PACRG: variants seen among roughly 807,000 people sequenced by gnomAD.
PACRG encodes parkin coregulated gene protein.
Under a neutral mutation model 29.7 loss-of-function variants are expected in PACRG, and 29 were observed. The ratio of observed to expected loss-of-function variants is 0.98; its 90% CI spans 0.73 to 1.33. PACRG has a LOEUF of 1.33. PACRG is among the 40% of genes most tolerant of loss of function. PACRG has a pLI of 0.00. For missense variants in PACRG, 279 were observed against 316.2 expected, an observed-to-expected ratio of 0.88 and a Z score of 0.89; for synonymous variants, 116 against 118.7, an observed-to-expected ratio of 0.98 and a Z score of 0.15.
intron 2 of PACRG, among the ~76,000 whole-genome samples, chr6:162,923,282 G>C (rs1797195853): frequency 6.6e-6 from 1 of 152,102 alleles, no homozygotes. Flanking sequence ...TTCGTCCCTT[G>C]TCAGATGAAT....
At chr6:162,728,498 C>A in intron 1 of PACRG, 107 bp downstream of exon 1, 1 of 1,395,462 alleles carries the variant, frequency 7.2e-7, no homozygotes, top group Non-Finnish European at 9.7e-7. Context: ...CCTGGGTGGT[C>A]TTTGCCAAAA....
intron 1 of PACRG, among the ~76,000 whole-genome samples, chr6:162,764,264 G>A (rs987525363): frequency 1.3e-5 from 2 of 152,120 alleles, no homozygotes; most frequent in East Asian, 1.9e-4. Context: ...GACAGAGCGA[G>A]ACTCCATCAC....
intron 4 of PACRG, among the ~76,000 whole-genome samples, chr6:163,302,248 GTTTTTTTTTGTT>G (rs1391795691): frequency 9.6e-6 from 1 of 104,590 alleles, no homozygotes; most frequent in Non-Finnish European, 1.9e-5. Context: ...TTTTTTGTTT[GTTTTTTTTTGTT>G]TTTTTTTTTG....
intron 4 of PACRG, among the ~76,000 whole-genome samples, chr6:163,223,684 G>C (rs1395044745): frequency 6.6e-6 from 1 of 152,218 alleles, no homozygotes; most frequent in Non-Finnish European, 1.5e-5. Flanking sequence ...AAAGTGGTCA[G>C]AAAAGGCTTG....
At chr6:162,971,859 T>G (rs867952447) in intron 2 of PACRG, among the ~76,000 whole-genome samples, 46 of 152,224 alleles carry the variant, frequency 3.0e-4, no homozygotes, top group African/African-American at 1.1e-3. Flanking sequence ...TCCTGCATCC[T>G]TGAGGCCCCT....
chr6:162,810,293 C>T (rs1444176716), intron 1 of PACRG, among the ~76,000 whole-genome samples: 3 of 152,156 alleles, frequency 2.0e-5, no homozygotes, highest in Admixed American at 1.3e-4. Context: ...TAAGGTAGCA[C>T]CCTTCCCCCA....
At chr6:162,864,720 A>C (rs1792148529) in intron 2 of PACRG, among the ~76,000 whole-genome samples, 2 of 152,206 alleles carry the variant, frequency 1.3e-5, no homozygotes, top group Admixed American at 1.3e-4. Flanking sequence ...TTTAACTCCA[A>C]GAATACTTTA....
chr6:163,308,763 G>A (rs934613260), intron 4 of PACRG, among the ~76,000 whole-genome samples: 4 of 152,066 alleles, frequency 2.6e-5, no homozygotes, highest in Non-Finnish European at 5.9e-5. Context: ...AATGCAGTGA[G>A]TTCCACCTGC....
chr6:162,741,604 C>G (rs985689422), intron 1 of PACRG, among the ~76,000 whole-genome samples: 4 of 152,124 alleles, frequency 2.6e-5, no homozygotes, highest in African/African-American at 9.7e-5. Flanking sequence ...ATTACTACCC[C>G]CAAAGCCCCA....
intron 1 of PACRG, among the ~76,000 whole-genome samples, chr6:162,763,221 T>G (rs1224539347): frequency 1.3e-5 from 2 of 152,202 alleles, no homozygotes; most frequent in South Asian, 2.1e-4. Context: ...TGGCTTGCAG[T>G]AAATGTTATT....
chr6:163,269,983 G>C (rs1238896614), intron 4 of PACRG, among the ~76,000 whole-genome samples: 41 of 100,430 alleles, frequency 4.1e-4, no homozygotes, highest in African/African-American at 7.4e-4. Flanking sequence ...AAGAAAGAAA[G>C]AAAGAAAGAA....
At chr6:163,149,852 TCCCGTTGGCTTACGGAAAGGAAA>T (rs1778002987) in intron 4 of PACRG, among the ~76,000 whole-genome samples, 1 of 152,152 alleles carries the variant, frequency 6.6e-6, no homozygotes, top group Non-Finnish European at 1.5e-5. Flanking sequence ...GTCCTGTTGC[TCCCGTTGGCTTACGGAAAGGAAA>T]CTCGGTCTCA....
chr6:163,041,680 T>C (rs1808739169), intron 2 of PACRG, among the ~76,000 whole-genome samples: 1 of 152,202 alleles, frequency 6.6e-6, no homozygotes, highest in Non-Finnish European at 1.5e-5. Flanking sequence ...GCATTGACCA[T>C]GTTCATTGTG....
At chr6:163,169,585 C>T (rs1164839955) in intron 4 of PACRG, among the ~76,000 whole-genome samples, 1 of 152,182 alleles carries the variant, frequency 6.6e-6, no homozygotes, top group Non-Finnish European at 1.5e-5. Context: ...GTGCTGTGCT[C>T]CTACGGCAGC....
At chr6:162,908,347 A>T (rs1202790943) in intron 2 of PACRG, among the ~76,000 whole-genome samples, 1 of 152,194 alleles carries the variant, frequency 6.6e-6, no homozygotes, top group African/African-American at 2.4e-5. Context: ...CGTGTTTAGG[A>T]CTCTTTAGGT....
intron 4 of PACRG, chr6:163,245,268 G>T: frequency 4.2e-6 from 1 of 237,026 alleles, no homozygotes; most frequent in Non-Finnish European, 8.5e-6. Flanking sequence ...ACTTAATTCT[G>T]TTAAACTACT....
chr6:163,158,078 T>C (rs1176897415), intron 4 of PACRG, among the ~76,000 whole-genome samples: 2 of 152,216 alleles, frequency 1.3e-5, no homozygotes, highest in African/African-American at 4.8e-5. Flanking sequence ...ACCAGGACCA[T>C]GTGAGGTGGT....
chr6:162,838,223 G>A (rs1185321918), intron 2 of PACRG, among the ~76,000 whole-genome samples: 8 of 152,134 alleles, frequency 5.3e-5, no homozygotes, highest in East Asian at 1.9e-4. Flanking sequence ...GCTTGACATA[G>A]TAAGGCCATC....
chr6:162,798,189 C>A (rs115448339), intron 1 of PACRG, among the ~76,000 whole-genome samples: 2 of 152,154 alleles, frequency 1.3e-5, no homozygotes, highest in Non-Finnish European at 2.9e-5. Context: ...CCTTTTCCCT[C>A]TCTATTCTGT....
Sources: allele counts gnomAD v4.1 joint callset (sites outside exome capture counted in the v4.1 genomes callset), GRCh38; gene constraint gnomAD v4.1.1; transcripts MANE v1.5; gene names NCBI Gene and HGNC (gene_info 2026-07-23, HGNC 2026-07-21).